The following ITSN1 variants were observed in gnomAD, a reference collection of about 807,000 sequenced individuals.
ITSN1 encodes intersectin-1.
Under a neutral mutation model 239.8 loss-of-function variants are expected in ITSN1, and 58 were observed. The ratio of observed to expected loss-of-function variants is 0.24; its 90% CI spans 0.20 to 0.30. The LOEUF (loss-of-function observed/expected upper bound fraction) is 0.30. Among genes scored for constraint, ITSN1 ranks in the 10% least tolerant of loss-of-function variants. The pLI, the probability that ITSN1 is intolerant of heterozygous loss-of-function variation, is 1.00. For missense variants in ITSN1, 1,558 were observed against 2,103.3 expected (o/e 0.74, Z 5.07); for synonymous variants, 780 against 770.8 (o/e 1.01, Z -0.20).
At chr21:33,864,142 C>T (rs1332169749) in intron 31 of ITSN1, among the ~76,000 whole-genome samples, 3 of 152,220 alleles carry the variant, frequency 2.0e-5, no homozygotes, top group Non-Finnish European at 4.4e-5. Flanking sequence ...TAGCCCGCCC[C>T]GTACCTCAAA....
intron 25 of ITSN1, among the ~76,000 whole-genome samples, chr21:33,824,121 A>G (rs894604103): frequency 1.3e-5 from 2 of 152,224 alleles, no homozygotes; most frequent in African/African-American, 4.8e-5. Context: ...CCCACACAGT[A>G]GAAAGACACA....
intron 18 of ITSN1, among the ~76,000 whole-genome samples, chr21:33,799,494 G>C (rs2071812346): frequency 1.3e-5 from 2 of 152,154 alleles, no homozygotes; most frequent in Admixed American, 1.3e-4. Flanking sequence ...ATGCTTTACA[G>C]ATCTGCACTG....
At chr21:33,789,896 C>G (rs1455338812) in intron 16 of ITSN1, among the ~76,000 whole-genome samples, 1 of 152,196 alleles carries the variant, frequency 6.6e-6, no homozygotes, top group African/African-American at 2.4e-5. Context: ...TACTTTGGCT[C>G]TGTGCCATAG....
intron 9 of ITSN1, among the ~76,000 whole-genome samples, chr21:33,763,088 C>A (rs1047542758): frequency 3.9e-5 from 6 of 151,904 alleles, no homozygotes; most frequent in Non-Finnish European, 8.8e-5. Context: ...TTTTATAGTT[C>A]ATTTGTTCAG....
Position 33,895,542 on chromosome 21 carries a change from T to C in ITSN1, c.*7242T>C, listed in dbSNP as rs1178590322. The C allele has an allele frequency of 6.6e-6, 1 of 151,606 alleles. No individual in the cohort carries two copies. The highest frequency in any genetic ancestry group is 1.9e-4 in the East Asian group (1 of 5,140). 9.4% of individuals were successfully genotyped at this position (151,606 alleles called of 1,614,324 possible). ...GTGTGCATGTGTGTGTGTCTACGTGTGTGTGCACGCATGTGTGTGCGTGTA... is the reference window on the plus strand; with the variant it reads ...GTGTGCATGTGTGTGTGTCTACGTGCGTGTGCACGCATGTGTGTGCGTGTA... On this transcript the variant is annotated 3_prime_UTR_variant, in exon 40 of 40. Transcript: ENST00000381318.
intron 6 of ITSN1, among the ~76,000 whole-genome samples, chr21:33,751,338 C>T (rs946686593): frequency 5.3e-5 from 8 of 152,194 alleles, no homozygotes; most frequent in African/African-American, 1.9e-4. Flanking sequence ...TTCTGACACT[C>T]AACTAACCAA....
chr21:33,682,807 C>T (rs62227744), intron 1 of ITSN1, among the ~76,000 whole-genome samples: 5 of 152,000 alleles, frequency 3.3e-5, no homozygotes, highest in Non-Finnish European at 7.4e-5. Context: ...CAGGCTTGAG[C>T]CCTTTTTTTT....
chr21:33,681,555 C>T (rs943860977), intron 1 of ITSN1, among the ~76,000 whole-genome samples: 16 of 151,512 alleles, frequency 1.1e-4, no homozygotes, highest in African/African-American at 3.9e-4. Flanking sequence ...TCTCAAAAAA[C>T]AAAAGAAAGT....
rs2071659631 is a variant in ITSN1, at chr21:33,797,575, A to G, written c.2149A>G (p.Lys717Glu). 6.2e-7 allele frequency: 1 copy of G among 1,614,092 alleles called. No homozygotes were observed. Among genetic ancestry groups the G allele is most frequent in the Non-Finnish European group, 8.5e-7 (1 of 1,179,932 alleles). Residue 717 changes from lysine to glutamate, a missense_variant, in exon 18 of 40, where the codon AAG becomes GAG. Transcript: ENST00000381318. The surrounding 1 kb of genome is among the most constrained non-coding windows in gnomAD (Gnocchi z 4.9). ...TTTCCATCAACACCAAGAACCAGCTAAGCCAGCTGTCCAGGCACCCTGGTC... is the reference window on the plus strand; with the variant it reads ...TTTCCATCAACACCAAGAACCAGCTGAGCCAGCTGTCCAGGCACCCTGGTC... ...RLFHQHQEPA[K>E]PAVQAPWSTA...
intron 19 of ITSN1, 91 bp from the exon 20 acceptor site, chr21:33,802,339 G>A: frequency 7.8e-7 from 1 of 1,282,544 alleles, no homozygotes; most frequent in Non-Finnish European, 1.1e-6. Context: ...AGCTTGATGA[G>A]ATGCGTAGAG....
intron 1 of ITSN1, among the ~76,000 whole-genome samples, chr21:33,679,117 CATCTT>C (rs2090773990): frequency 6.6e-6 from 1 of 152,174 alleles, no homozygotes; most frequent in Admixed American, 6.5e-5. Context: ...GAGATTACAT[CATCTT>C]ATATTTACCC....
At chr21:33,733,443 A>G (rs1212894350) in intron 4 of ITSN1, among the ~76,000 whole-genome samples, 2 of 152,170 alleles carry the variant, frequency 1.3e-5, no homozygotes, top group African/African-American at 4.8e-5. Context: ...TTAGAAAATC[A>G]AGGACTAACA....
intron 22 of ITSN1, chr21:33,818,055 A>T (rs2073406687): frequency 1.7e-6 from 1 of 577,628 alleles, no homozygotes; most frequent in Non-Finnish European, 3.1e-6. Flanking sequence ...CTTTGTGAAG[A>T]GGCTGGAAGG....
At chr21:33,843,649 C>A (rs1212848121) in intron 29 of ITSN1, among the ~76,000 whole-genome samples, 1 of 152,216 alleles carries the variant, frequency 6.6e-6, no homozygotes, top group East Asian at 1.9e-4. Context: ...TCCCTGTAGA[C>A]CACCTGCCTA....
intron 5 of ITSN1, among the ~76,000 whole-genome samples, chr21:33,742,109 T>G (rs1222253770): frequency 6.7e-6 from 1 of 148,772 alleles, no homozygotes; most frequent in African/African-American, 2.5e-5. Flanking sequence ...CAGGCTGGAG[T>G]GCAGTGGCAC....
chr21:33,884,839 G>T (rs1465575943), intron 36 of ITSN1, among the ~76,000 whole-genome samples: 3 of 152,236 alleles, frequency 2.0e-5, no homozygotes, highest in Non-Finnish European at 4.4e-5. Context: ...GGACATCCAT[G>T]GAAATGGCCC....
intron 29 of ITSN1, among the ~76,000 whole-genome samples, chr21:33,853,298 T>A (rs770007298): frequency 1.8e-4 from 28 of 152,232 alleles, no homozygotes; most frequent in Non-Finnish European, 3.5e-4. Flanking sequence ...GCGCTTCCCC[T>A]GACCTCCAAG....
At chr21:33,856,127 T>C (rs1014599575) in intron 29 of ITSN1, among the ~76,000 whole-genome samples, 1 of 152,244 alleles carries the variant, frequency 6.6e-6, no homozygotes, top group Admixed American at 6.5e-5. Flanking sequence ...TCTAGTATAA[T>C]ACTTGAGCAT....
chr21:33,829,637 T>G lies in ITSN1; in HGVS notation c.3243T>G (p.Val1081=). 6.2e-7 allele frequency: 1 copy of G among 1,612,250 alleles called. No individual in the cohort carries two copies. Among genetic ancestry groups the G allele is most frequent in the Non-Finnish European group, 8.5e-7 (1 of 1,179,984 alleles). Residue 1081 remains valine (V), a synonymous_variant, in exon 27 of 40, where the codon GTT becomes GTG. Coordinates refer to ENST00000381318, the MANE Select transcript of ITSN1 (RefSeq NM_003024.3). ...SLGKKPEIAQ[V]IASYTATGPE... ...CTTGTTTTTCAGAAATTGCCCAGGTTATTGCCTCATACACCGCCACCGGCC... is the reference window on the plus strand; with the variant it reads ...CTTGTTTTTCAGAAATTGCCCAGGTGATTGCCTCATACACCGCCACCGGCC...
Sources: gnomAD v4.1 joint callset for allele counts (sites outside exome capture counted in the v4.1 genomes callset) on GRCh38, gnomAD v4.1.1 for gene constraint, Gnocchi (gnomAD v3.1) non-coding constraint, MANE v1.5 for transcripts, NCBI Gene and HGNC (gene_info 2026-07-23, HGNC 2026-07-21) for gene names.